Variants in CORO2B observed in about 807,000 individuals in gnomAD.
CORO2B encodes the protein coronin-2B.
In CORO2B, 26 loss-of-function variants were observed where a neutral mutation model predicts 58.8. The ratio of observed to expected loss-of-function variants is 0.44; its 90% CI spans 0.32 to 0.61. The LOEUF (loss-of-function observed/expected upper bound fraction) is 0.61. Among genes scored for constraint, CORO2B ranks in the 20% least tolerant of loss-of-function variants. The probability of loss-of-function intolerance (pLI) is 0.04; values close to 1 mark genes in which losing one functional copy is unlikely to be tolerated. For missense variants in CORO2B, 460 were observed against 645.1 expected, an observed-to-expected ratio of 0.71 and a Z score of 3.11; for synonymous variants, 242 against 253.8, an observed-to-expected ratio of 0.95 and a Z score of 0.44.
intron 3 of CORO2B, among the ~76,000 whole-genome samples, chr15:68,702,763 T>C (rs1209326905): frequency 6.6e-6 from 1 of 151,716 alleles, no homozygotes; most frequent in African/African-American, 2.4e-5. Context: ...GTGTACTGTA[T>C]ACAGCTAAAT....
Position 68,579,131 on chromosome 15 carries a change from C to T in CORO2B, c.-132C>T. The T allele has an allele frequency of 3.1e-6, 3 of 981,912 alleles. No individual in the cohort carries two copies. Among genetic ancestry groups the T allele is most frequent in the Non-Finnish European group, 3.6e-6 (3 of 828,460 alleles). The allele number at this position is 981,912 out of a possible 1,614,324, so 60.8% of individuals were successfully genotyped here. On this transcript the variant is annotated 5_prime_UTR_variant, in exon 1 of 12. Coordinates refer to ENST00000261861, the MANE Select transcript of CORO2B (RefSeq NM_006091.5). ...GCCCGCCCGGAGCGCAGCCCCCAGG[C>T]TCGGCCGAGCCGCCGGCGGGGCGCG...
At chr15:68,552,919 G>A in the CORO2B span, among the ~76,000 whole-genome samples, 2 of 152,212 alleles carry the variant, frequency 1.3e-5, no homozygotes, top group African/African-American at 4.8e-5. Flanking sequence ...TCAGAGCTGC[G>A]CTTCCTGCTG....
At chr15:68,722,975 G>A (rs981307815) in intron 11 of CORO2B, among the ~76,000 whole-genome samples, 1 of 151,998 alleles carries the variant, frequency 6.6e-6, no homozygotes, top group Non-Finnish European at 1.5e-5. Context: ...GCTGAGGCAG[G>A]AGAATCACTT....
chr15:68,717,641 A>C (rs1382537657), intron 8 of CORO2B, among the ~76,000 whole-genome samples: 3 of 151,832 alleles, frequency 2.0e-5, no homozygotes, highest in African/African-American at 7.2e-5. Flanking sequence ...TTGTAGACTC[A>C]GAAAAGTTAA....
chr15:68,570,705 C>T, the CORO2B span, among the ~76,000 whole-genome samples: 3 of 151,738 alleles, frequency 2.0e-5, no homozygotes, highest in African/African-American at 7.3e-5. Flanking sequence ...AGTGTATTTC[C>T]CTTAGGGAAG....
chr15:68,583,984 G>A (rs1899494161), intron 1 of CORO2B, among the ~76,000 whole-genome samples: 1 of 152,206 alleles, frequency 6.6e-6, no homozygotes, highest in South Asian at 2.1e-4. Flanking sequence ...GCTGGGAGGT[G>A]TGCGGCTAGC....
At chr15:68,629,564 C>T (rs1900771340) in intron 1 of CORO2B, among the ~76,000 whole-genome samples, 1 of 152,160 alleles carries the variant, frequency 6.6e-6, no homozygotes, top group Admixed American at 6.5e-5. Flanking sequence ...ACCAGGAGGG[C>T]CCAAACAAAG....
At chr15:68,616,601 G>A (rs750069406) in intron 1 of CORO2B, 27 of 985,358 alleles carry the variant, frequency 2.7e-5, no homozygotes, top group Non-Finnish European at 3.3e-5. Flanking sequence ...GCGGTCGAAT[G>A]ATTCTGACAA....
chr15:68,686,087 G>A (rs910940715), intron 2 of CORO2B, among the ~76,000 whole-genome samples: 2 of 148,172 alleles, frequency 1.3e-5, no homozygotes, highest in Admixed American at 6.8e-5. Context: ...GCCCAGGCTG[G>A]AGTGCAATGG....
At chr15:68,603,981 A>G (rs1900044515) in intron 1 of CORO2B, among the ~76,000 whole-genome samples, 1 of 152,130 alleles carries the variant, frequency 6.6e-6, no homozygotes, top group African/African-American at 2.4e-5. Context: ...TCATACTAGA[A>G]CATGTGCACC....
chr15:68,675,650 T>C (rs2004092), intron 2 of CORO2B, among the ~76,000 whole-genome samples: 100,889 of 152,084 alleles, frequency 0.66, 34,071 homozygotes, highest in East Asian at 0.86. Context: ...AAGATGTTTA[T>C]AGATCTATTT....
At chr15:68,538,712 T>C in the CORO2B span, among the ~76,000 whole-genome samples, 2 of 152,122 alleles carry the variant, frequency 1.3e-5, no homozygotes, top group African/African-American at 4.8e-5. Flanking sequence ...AGTTTATTAA[T>C]ATAACAAAAA....
At chr15:68,558,349 G>A in the CORO2B span, among the ~76,000 whole-genome samples, 7 of 151,942 alleles carry the variant, frequency 4.6e-5, no homozygotes, top group African/African-American at 7.3e-5. Context: ...TTGGAGAGGA[G>A]AGCAAAAACT....
chr15:68,623,578 T>G (rs1595973980), intron 1 of CORO2B, among the ~76,000 whole-genome samples: 1 of 147,216 alleles, frequency 6.8e-6, no homozygotes, highest in Admixed American at 6.9e-5. Flanking sequence ...GGACCAGGAG[T>G]CATCTCAGGG....
chr15:68,637,549 C>T (rs559493908), intron 1 of CORO2B, among the ~76,000 whole-genome samples: 1 of 152,256 alleles, frequency 6.6e-6, no homozygotes, highest in South Asian at 2.1e-4. Context: ...TCAGTTGATA[C>T]CCACATATCA....
chr15:68,603,824 C>A (rs1209695185), intron 1 of CORO2B, among the ~76,000 whole-genome samples: 1 of 152,168 alleles, frequency 6.6e-6, no homozygotes. Context: ...GTTGTTTAAG[C>A]CCCCAGCCTG....
rs187477587 is a variant in CORO2B at position 68,705,170 on chromosome 15, A to G, written c.334-5562A>G. On this transcript the variant is annotated intron_variant, in intron 3 of 11. Transcript: ENST00000261861. ...CAAAGCAGAAAAGTTTGGAAGATTA[A>G]CTAATACTATCTAAATGTGCAGATG... is the stretch of plus-strand genomic sequence containing the variant. Among the ~76,000 whole-genome samples the G allele has an allele frequency of 4.5e-4, 69 of 152,292 alleles. 1 individual carries two copies. Among genetic ancestry groups the G allele is most frequent in the African/African-American group, 1.5e-3 (62 of 41,554 alleles).
At chr15:68,657,293 G>T (rs1351146436) in intron 2 of CORO2B, among the ~76,000 whole-genome samples, 2 of 152,098 alleles carry the variant, frequency 1.3e-5, no homozygotes, top group Non-Finnish European at 2.9e-5. Context: ...AAGGTGGAAG[G>T]ATTGCTTGAG....
At chr15:68,715,553 T>A (rs1216705159) in intron 8 of CORO2B, among the ~76,000 whole-genome samples, 1 of 152,224 alleles carries the variant, frequency 6.6e-6, no homozygotes, top group African/African-American at 2.4e-5. Flanking sequence ...GTGCTCTGCG[T>A]CTGCACTCCT....
Sources: gnomAD v4.1 joint callset for allele counts (sites outside exome capture counted in the v4.1 genomes callset) on GRCh38, gnomAD v4.1.1 for gene constraint, MANE v1.5 for transcripts, NCBI Gene and HGNC (gene_info 2026-07-23, HGNC 2026-07-21) for gene names.